The following FBN1 variants were observed in gnomAD, a reference collection of about 807,000 sequenced individuals.
FBN1 encodes fibrillin 1, also known as fibrillin-1.
FBN1 carries 29 observed loss-of-function variants against 365.1 expected under a neutral mutation model. The observed-to-expected ratio is 0.08, with a 90% CI of 0.06 to 0.11. FBN1 has a LOEUF of 0.11. Ranked by LOEUF, FBN1 falls within the 10% of genes least tolerant of loss-of-function variation. The pLI, the probability that FBN1 is intolerant of heterozygous loss-of-function variation, is 1.00. For synonymous variants in FBN1, 1,210 were observed against 1,270.5 expected (o/e 0.95, Z 1.01); for missense variants, 2,476 against 3,703.2 (o/e 0.67, Z 8.60).
chr15:48,614,660 G>A (rs1889615100), intron 2 of FBN1, among the ~76,000 whole-genome samples: 1 of 152,166 alleles, frequency 6.6e-6, no homozygotes, highest in Non-Finnish European at 1.5e-5. Context: ...CTTCTCTAAG[G>A]ATAGAGAGGA....
chr15:48,516,387 C>T (rs377737146), intron 10 of FBN1, 25 bp from the exon 11 acceptor site: 1 of 1,610,942 alleles, frequency 6.2e-7, no homozygotes, highest in African/African-American at 1.3e-5. Flanking sequence ...CAAAACAAAA[C>T]ACAACAGCTG....
intron 9 of FBN1, 129 bp downstream of exon 9, chr15:48,526,000 AT>A: frequency 3.1e-6 from 4 of 1,280,198 alleles, no homozygotes; most frequent in African/African-American, 1.5e-5. Context: ...ACTGTTTAAC[AT>A]TTTTCCAAAA....
At chr15:48,447,812 T>G (rs937831020) in intron 46 of FBN1, among the ~76,000 whole-genome samples, 1 of 152,178 alleles carries the variant, frequency 6.6e-6, no homozygotes, top group Non-Finnish European at 1.5e-5. Context: ...CCAAAGGGAC[T>G]CTAATGTGTG....
intron 32 of FBN1, among the ~76,000 whole-genome samples, chr15:48,475,232 T>G (rs536644502): frequency 6.6e-6 from 1 of 152,322 alleles, no homozygotes; most frequent in African/African-American, 2.4e-5. Context: ...TAAGACAGTA[T>G]ATAAGCCATC....
intron 57 of FBN1, chr15:48,428,124 A>G (rs770028251): frequency 3.0e-5 from 20 of 662,948 alleles, no homozygotes; most frequent in South Asian, 5.5e-5. Flanking sequence ...AAGAAATTCC[A>G]AACAAGTGAT....
rs1250991276 is a variant in FBN1 at position 48,507,292 on chromosome 15, T to C, written c.1837+1290A>G. Reference sequence around the variant, plus strand: ...TCCAAATATTCCAGCAATCATTCTCTTCCCTTTTCTTTTTTACTTGTACAG... The same window carrying C: ...TCCAAATATTCCAGCAATCATTCTCCTCCCTTTTCTTTTTTACTTGTACAG... On this transcript the variant is annotated intron_variant, in intron 15 of 65. Transcript: ENST00000316623. Among the ~76,000 whole-genome samples the C allele has an allele frequency of 2.6e-5, 4 of 152,200 alleles. No individual in the cohort carries two copies. The South Asian group carries it at 8.3e-4, about 32-fold the overall frequency.
chr15:48,526,755 A>G (rs964993880), intron 8 of FBN1, among the ~76,000 whole-genome samples: 3 of 152,158 alleles, frequency 2.0e-5, no homozygotes, highest in East Asian at 1.9e-4. Context: ...TGGTGTTCTC[A>G]GTGGCACCCA....
At chr15:48,497,509 T>C in intron 18 of FBN1, 118 bp from the exon 19 acceptor site, 1 of 925,970 alleles carries the variant, frequency 1.1e-6, no homozygotes, top group South Asian at 1.5e-5. Context: ...AGGAAAAAAA[T>C]CGATTTCACT....
At chr15:48,542,570 G>A (rs1233238255) in intron 6 of FBN1, among the ~76,000 whole-genome samples, 1 of 152,078 alleles carries the variant, frequency 6.6e-6, no homozygotes, top group African/African-American at 2.4e-5. Flanking sequence ...CCTCCTAACT[G>A]CTGTTACTTC....
chr15:48,628,497 C>A (rs1444440637), intron 2 of FBN1, among the ~76,000 whole-genome samples: 2 of 152,156 alleles, frequency 1.3e-5, no homozygotes, highest in Non-Finnish European at 2.9e-5. Context: ...CACCTTGACA[C>A]TCACAAAAGA....
chr15:48,561,096 C>T (rs1002814540), intron 6 of FBN1, among the ~76,000 whole-genome samples: 1 of 152,146 alleles, frequency 6.6e-6, no homozygotes, highest in Non-Finnish European at 1.5e-5. Context: ...TCACCCAAAA[C>T]CCCAGTGATG....
chr15:48,539,796 C>CTT (rs761523060), intron 6 of FBN1, among the ~76,000 whole-genome samples: 1 of 145,200 alleles, frequency 6.9e-6, no homozygotes, highest in African/African-American at 2.5e-5. Context: ...TATCATTTGT[C>CTT]TTTTTTTTTT....
Position 48,537,625 on chromosome 15 carries a change from G to C in FBN1, c.722C>G (p.Thr241Arg). Residue 241 changes from threonine to arginine, a missense_variant, in exon 7 of 66, where the codon ACG (threonine) becomes AGG (arginine). By Grantham distance (71) the Thr-to-Arg change is moderately conservative (BLOSUM62 -1). Transcript: ENST00000316623. ...CRRGFIPNIR[T>R]GACQDVDECQ... ...CCCGGGTTTACCTTGACAAGCTCCCGTGCGGATATTTGGAATGAAGCCACG... is the reference window on the plus strand; with the variant it reads ...CCCGGGTTTACCTTGACAAGCTCCCCTGCGGATATTTGGAATGAAGCCACG... The C allele has an allele frequency of 6.2e-7, 1 of 1,614,174 alleles. No homozygotes were observed. The highest frequency in any genetic ancestry group is 8.5e-7 in the Non-Finnish European group (1 of 1,180,032).
At chr15:48,588,224 A>C (rs1276439332) in intron 6 of FBN1, among the ~76,000 whole-genome samples, 2 of 152,220 alleles carry the variant, frequency 1.3e-5, no homozygotes, top group African/African-American at 4.8e-5. Flanking sequence ...TCTCATAGAT[A>C]ATTTTTAATA....
intron 6 of FBN1, among the ~76,000 whole-genome samples, chr15:48,573,861 G>T (rs962897389): frequency 1.7e-4 from 26 of 152,236 alleles, no homozygotes; most frequent in African/African-American, 6.0e-4. Flanking sequence ...AGACAGGCCA[G>T]GACGCCATGG....
chr15:48,452,356 C>G (rs2043207739), intron 45 of FBN1, among the ~76,000 whole-genome samples: 1 of 152,228 alleles, frequency 6.6e-6, no homozygotes, highest in Non-Finnish European at 1.5e-5. Flanking sequence ...GAAAATATCT[C>G]ATCCAGAAAG....
Position 48,432,897 on chromosome 15 carries a change from A to G in FBN1, c.6708T>C (p.Tyr2236=), listed in dbSNP as rs2043034940. The G allele has an allele frequency of 6.2e-7, 1 of 1,613,752 alleles. No individual in the cohort carries two copies. The stretch of plus-strand genomic sequence containing the variant: ...ACATCCTACGGTCTTCTCTGAGCAC[A>G]TATCCCACGGGACATTTGCATTCAT... ...GSYECKCPVG[Y]VLREDRRMCK... Residue 2236 remains tyrosine (Y), a synonymous_variant, in exon 55 of 66, where the codon TAT becomes TAC. Transcript: ENST00000316623.
chr15:48,516,313 T>C lies in FBN1; in HGVS notation c.1197A>G (p.Pro399=), dbSNP rs1274601297. ...CSVPMVIPGR[P]EYPPPPLGPI... ...GGCCAAGGGGTGGGGGAGGATATTC[T>C]GGTCTCCCAGGAATTACCATAGGAA... Residue 399 remains proline, a synonymous_variant, in exon 11 of 66, where the codon CCA becomes CCG. Transcript: ENST00000316623. 1.2e-6 allele frequency: 2 copies of C among 1,613,900 alleles called. No individual in the cohort carries two copies. Among genetic ancestry groups the C allele is most frequent in the Non-Finnish European group, 1.7e-6 (2 of 1,179,920 alleles).
intron 44 of FBN1, among the ~76,000 whole-genome samples, chr15:48,454,186 TGA>T (rs1161378142): frequency 2.6e-5 from 4 of 152,218 alleles, no homozygotes; most frequent in Non-Finnish European, 4.4e-5. Context: ...GAAAATGGCC[TGA>T]GAGTCTGAAT....
Sources: allele counts gnomAD v4.1 joint callset (sites outside exome capture counted in the v4.1 genomes callset), GRCh38; gene constraint gnomAD v4.1.1; transcripts MANE v1.5; gene names NCBI Gene and HGNC (gene_info 2026-07-23, HGNC 2026-07-21).